The following SENP8 variants were observed in gnomAD, a reference collection of about 807,000 sequenced individuals.
SENP8 encodes sentrin-specific protease 8.
A neutral mutation model predicts 14.4 loss-of-function variants in SENP8; 10 were observed. That is an observed-to-expected ratio of 0.69 (90% CI 0.43 to 1.18). The LOEUF (loss-of-function observed/expected upper bound fraction) is 1.18, where lower values mean the gene tolerates loss of function less well. Ranked by LOEUF, SENP8 falls within the 50% of genes most tolerant of loss-of-function variation. The pLI is 0.00. For synonymous variants in SENP8, 94 were observed against 95.5 expected, an observed-to-expected ratio of 0.98 and a Z score of 0.09; for missense variants, 202 against 249.4, an observed-to-expected ratio of 0.81 and a Z score of 1.28.
chr15:72,127,272 A>T (rs1465808676), intron 1 of SENP8, among the ~76,000 whole-genome samples: 1 of 152,148 alleles, frequency 6.6e-6, no homozygotes, highest in East Asian at 1.9e-4. Flanking sequence ...CAAATAAATT[A>T]AAAAACTATC....
intron 1 of SENP8, among the ~76,000 whole-genome samples, chr15:72,125,420 G>A (rs1262825493): frequency 6.6e-6 from 1 of 152,024 alleles, no homozygotes; most frequent in Non-Finnish European, 1.5e-5. Context: ...GACTAGTCAT[G>A]TAAGTGTATT....
At chr15:72,127,296 T>C (rs1279089541) in intron 1 of SENP8, among the ~76,000 whole-genome samples, 1 of 152,152 alleles carries the variant, frequency 6.6e-6, no homozygotes, top group Non-Finnish European at 1.5e-5. Context: ...TAGTAATCAG[T>C]GCTATTCAAG....
intron 1 of SENP8, among the ~76,000 whole-genome samples, chr15:72,119,071 G>A (rs2151310281): frequency 6.6e-6 from 1 of 152,334 alleles, no homozygotes; most frequent in Non-Finnish European, 1.5e-5. Flanking sequence ...CCGTACTAGT[G>A]TAGACTTCCC....
At position 72,138,454 on chromosome 15, in the gene SENP8, G is replaced by C. The variant is rs538551121; in HGVS notation, c.-47-1123G>C. ...AACCTCCACCTTCCAGGTTCAAGCA[G>C]TTCTCCCACCTCAGCCTTTCGAGTA... On this transcript the variant is annotated intron_variant, in intron 1 of 1. Coordinates refer to ENST00000340912, the MANE Select transcript of SENP8 (RefSeq NM_145204.4). 4.6e-4 allele frequency among the ~76,000 whole-genome samples: 69 copies of C among 150,734 alleles called. 1 individual carries two copies. Among genetic ancestry groups the C allele is most frequent in the African/African-American group, 1.6e-3 (64 of 41,104 alleles).
chr15:72,132,469 T>C (rs999212920), intron 1 of SENP8, among the ~76,000 whole-genome samples: 3 of 152,126 alleles, frequency 2.0e-5, no homozygotes, highest in Admixed American at 1.3e-4. Flanking sequence ...CTGGCAAACA[T>C]TTATTGCACT....
rs759085741 is a variant in SENP8, at chr15:72,139,704, C to T, written c.81C>T (p.Leu27=). ...DVSLLDPPSW[L]NDHIIGFAFE... is the part of the protein sequence containing the mutation. ...CACTATTGGATCCGCCAAGCTGGCT[C>T]AATGACCATATTATTGGGTTTGCGT... The change falls in exon 2 of 2, where the codon CTC becomes CTT. Residue 27 remains leucine (L), a synonymous_variant. Coordinates refer to ENST00000340912, the MANE Select transcript of SENP8 (RefSeq NM_145204.4). 3 of 1,614,172 alleles carry T rather than the reference C, an allele frequency of 1.9e-6. No individual in the cohort carries two copies. Among genetic ancestry groups the T allele is most frequent in the Non-Finnish European group, 2.5e-6 (3 of 1,180,042 alleles).
chr15:72,134,445 G>A (rs1165021219), intron 1 of SENP8, among the ~76,000 whole-genome samples: 1 of 152,138 alleles, frequency 6.6e-6, no homozygotes, highest in Non-Finnish European at 1.5e-5. Context: ...CAGGCATGGT[G>A]GTACGCACCT....
rs2081382656 is a variant in SENP8, at chr15:72,141,856, G to A, written c.*1594G>A. On this transcript the variant is annotated 3_prime_UTR_variant, in exon 2 of 2. Transcript: ENST00000340912. ...TACAGAGGGAGGGACAGCAAGAGAA[G>A]TGACAAAGGTCACTGATGATAGGCC... is the stretch of plus-strand genomic sequence containing the variant. The A allele has an allele frequency of 6.6e-6, 1 of 152,226 alleles. No homozygotes were observed. Among genetic ancestry groups the A allele is most frequent in the Non-Finnish European group, 1.5e-5 (1 of 68,046 alleles). 9.4% of individuals were successfully genotyped at this position (152,226 alleles called of 1,614,324 possible). A position where few individuals can be genotyped will look rare whatever the true frequency, so the allele number is the denominator to read the frequency against.
rs557437621 is a variant in SENP8 at position 72,140,179 on chromosome 15, C to G, written c.556C>G (p.Leu186Val). The change falls in exon 2 of 2, where the codon CTG becomes GTG. Residue 186 changes from leucine (L) to valine (V), a missense_variant. By Grantham distance (32) the Leu-to-Val change is conservative. Transcript: ENST00000340912. ...CTTCTTTAGGCAACAGACAGAATCACTGCTGCAGCTACTCACCCCTGCATA... is the reference window on the plus strand; with the variant it reads ...CTTCTTTAGGCAACAGACAGAATCAGTGCTGCAGCTACTCACCCCTGCATA... ...QNFFRQQTESLLQLLTPAYIT... is the reference protein window; with the variant it reads ...QNFFRQQTESVLQLLTPAYIT... 8.7e-6 allele frequency: 14 copies of G among 1,614,056 alleles called. No homozygotes were observed. Among genetic ancestry groups the G allele is most frequent in the Non-Finnish European group, 1.2e-5 (14 of 1,180,010 alleles).
At chr15:72,127,976 A>G (rs906067045) in intron 1 of SENP8, among the ~76,000 whole-genome samples, 6 of 152,154 alleles carry the variant, frequency 3.9e-5, no homozygotes, top group African/African-American at 1.4e-4. Context: ...TATAGTGCAT[A>G]TAGCTACTTG....
chr15:72,124,243 ATATT>A (rs560705379), intron 1 of SENP8, among the ~76,000 whole-genome samples: 201 of 152,270 alleles, frequency 1.3e-3, no homozygotes, highest in Non-Finnish European at 2.3e-3. Context: ...CTCAGGAAAA[ATATT>A]TATTTATTAA....
chr15:72,120,562 G>T (rs1358462362), intron 1 of SENP8, among the ~76,000 whole-genome samples: 2 of 152,104 alleles, frequency 1.3e-5, no homozygotes, highest in Non-Finnish European at 2.9e-5. Context: ...TTACCCAGTG[G>T]ACCTTGTTGG....
intron 1 of SENP8, 25 bp downstream of exon 1, chr15:72,118,489 G>GT (rs1156434395): frequency 2.0e-5 from 3 of 152,324 alleles, no homozygotes; most frequent in African/African-American, 7.2e-5. Context: ...CCCCACTTCG[G>GT]TTTGTCTCGG....
chr15:72,121,964 C>G (rs1305264547), intron 1 of SENP8, among the ~76,000 whole-genome samples: 1 of 152,310 alleles, frequency 6.6e-6, no homozygotes, highest in South Asian at 2.1e-4. Context: ...ACAGATCTTG[C>G]CAAGGCCTTC....
At chr15:72,130,530 T>C (rs1326790683) in intron 1 of SENP8, among the ~76,000 whole-genome samples, 1 of 151,386 alleles carries the variant, frequency 6.6e-6, no homozygotes, top group Non-Finnish European at 1.5e-5. Flanking sequence ...TGCTGACCTT[T>C]GGACTAGAAA....
intron 1 of SENP8, among the ~76,000 whole-genome samples, chr15:72,137,775 A>G (rs540900629): frequency 8.5e-5 from 13 of 152,268 alleles, no homozygotes; most frequent in African/African-American, 2.9e-4. Context: ...GATCGAGACC[A>G]TCCTGGCTAA....
At chr15:72,137,325 C>G (rs1044452397) in intron 1 of SENP8, among the ~76,000 whole-genome samples, 3 of 151,204 alleles carry the variant, frequency 2.0e-5, no homozygotes, top group Non-Finnish European at 4.4e-5. Flanking sequence ...AGGACAAAGT[C>G]ATTTAAATGA....
chr15:72,119,068 A>G (rs964970028), intron 1 of SENP8, among the ~76,000 whole-genome samples: 1 of 152,226 alleles, frequency 6.6e-6, no homozygotes, highest in South Asian at 2.1e-4. Flanking sequence ...AAACCGTACT[A>G]GTGTAGACTT....
intron 1 of SENP8, among the ~76,000 whole-genome samples, chr15:72,124,260 C>T (rs1288875095): frequency 1.3e-5 from 2 of 152,164 alleles, no homozygotes; most frequent in East Asian, 1.9e-4. Context: ...TTTATTAAAA[C>T]TCTAGCTTGT....
Sources: allele counts gnomAD v4.1 joint callset (sites outside exome capture counted in the v4.1 genomes callset), GRCh38; gene constraint gnomAD v4.1.1; transcripts MANE v1.5; gene names NCBI Gene and HGNC (gene_info 2026-07-23, HGNC 2026-07-21).